PTCH1: variants seen among roughly 807,000 people sequenced by gnomAD.
The protein encoded by PTCH1 is patched 1, also known as protein patched homolog 1.
Under a neutral mutation model 144.6 loss-of-function variants are expected in PTCH1, and 14 were observed. That is an observed-to-expected ratio of 0.10 (90% confidence interval 0.06 to 0.15). The LOEUF (loss-of-function observed/expected upper bound fraction) is 0.15, where lower values mean the gene tolerates loss of function less well. PTCH1 is among the 10% of genes least tolerant of loss of function. PTCH1 has a pLI of 1.00. For missense variants in PTCH1, 1,623 were observed against 1,948.3 expected (o/e 0.83, Z 3.14); for synonymous variants, 833 against 793.6 (o/e 1.05, Z -0.83).
Position 95,449,661 on chromosome 9 carries a change from G to T in PTCH1, c.3549+180C>A. The T allele has an allele frequency of 1.4e-6, 1 of 718,018 alleles. No individual in the cohort carries two copies. Among genetic ancestry groups the T allele is most frequent in the Non-Finnish European group, 2.4e-6 (1 of 418,996 alleles). 44.5% of individuals were successfully genotyped at this position (718,018 alleles called of 1,614,324 possible). A position where few individuals can be genotyped will look rare whatever the true frequency, so the allele number is the denominator to read the frequency against. On this transcript the variant is annotated intron_variant, in intron 21 of 23. Coordinates refer to ENST00000331920, the MANE Select transcript of PTCH1 (RefSeq NM_000264.5). The surrounding 1 kb of genome is among the most constrained non-coding windows in gnomAD (Gnocchi z 5.3). ...TCAGTTGATTTAGAGGAACCAAACC[G>T]AACCCGCCCTCTAGCCCTCAAAGCC...
chr9:95,470,461 G>A (rs1840464140), intron 12 of PTCH1, among the ~76,000 whole-genome samples: 1 of 152,188 alleles, frequency 6.6e-6, no homozygotes. Context: ...AGCCTGTGGG[G>A]TGTGAGAGCA....
intron 1 of PTCH1, chr9:95,507,822 A>C (rs1843826010): frequency 2.6e-6 from 2 of 755,930 alleles, no homozygotes; most frequent in Non-Finnish European, 3.7e-6. Flanking sequence ...GGGGCAGGAC[A>C]GTGCCGCGGC....
intron 3 of PTCH1, chr9:95,483,414 A>C (rs1841721653): frequency 6.6e-6 from 1 of 150,614 alleles, no homozygotes; most frequent in Non-Finnish European, 1.5e-5. Context: ...GGGAAGGAAA[A>C]AAAAAAAAAA....
At position 95,458,107 on chromosome 9, in the gene PTCH1, C is replaced by G. The variant is rs370150142; in HGVS notation, c.3074G>C (p.Arg1025Pro). The G allele has an allele frequency of 6.2e-7, 1 of 1,614,202 alleles. No individual in the cohort carries two copies. The highest frequency in any genetic ancestry group is 8.5e-7 in the Non-Finnish European group (1 of 1,180,032). ...GCTGATGAACAGCAGCAGCCAGTGG[C>G]GGAGGCCGATGTACTGCTCCCAGAA... ...FLFWEQYIGL[R>P]HWLLLFISVV... is the part of the protein sequence containing the mutation. Residue 1025 changes from arginine (R) to proline (P), a missense_variant, in exon 18 of 24, where the codon CGC becomes CCC. Physicochemically the swap from Arg to Pro is moderately radical, Grantham distance 103. Around this residue, in one of 7 missense-constraint regions of PTCH1, gnomAD observed 504 missense variants for 679.3 expected, o/e 0.74. Transcript: ENST00000331920. The surrounding 1 kb of genome is among the most constrained non-coding windows in gnomAD (Gnocchi z 4.7).
Position 95,449,213 on chromosome 9 carries a change from G to A in PTCH1, c.3660C>T (p.Ser1220=), listed in dbSNP as rs1171930911. ...PPGHTHSGSD[S]SDSEYSSQTT... ...TCTGGGAACTATACTCCGAGTCGGA[G>A]GAATCAGACCCGCTGTGCGTGTGGC... Residue 1220 remains serine (S), a synonymous_variant, in exon 22 of 24, where the codon TCC becomes TCT. Transcript: ENST00000331920. This position sits in a 1 kb window ranked among gnomAD's most constrained non-coding sequence, Gnocchi z 5.3. The A allele has an allele frequency of 6.2e-7, 1 of 1,602,410 alleles. No homozygotes were observed. The highest frequency in any genetic ancestry group is 8.5e-7 in the Non-Finnish European group (1 of 1,174,476).
Position 95,479,958 on chromosome 9 carries a change from A to T in PTCH1, c.1067+11T>A, listed in dbSNP as rs753244564. ...CTACAGGGCATAGATTGTCCTCGGG[A>T]GCTGGCTTACCTGACGAGTTTTCCA... On this transcript the variant is annotated intron_variant, in intron 7 of 23. Coordinates refer to ENST00000331920, the MANE Select transcript of PTCH1 (RefSeq NM_000264.5). 1.9e-6 allele frequency: 3 copies of T among 1,614,156 alleles called. No homozygotes were observed. Among genetic ancestry groups the T allele is most frequent in the Non-Finnish European group, 2.5e-6 (3 of 1,180,026 alleles).
At chr9:95,455,288 G>A (rs1457379696) in intron 19 of PTCH1, among the ~76,000 whole-genome samples, 1 of 152,214 alleles carries the variant, frequency 6.6e-6, no homozygotes, top group African/African-American at 2.4e-5. Context: ...AAGGCACAAG[G>A]CTGCAGCCTA....
rs891494486 is a variant in PTCH1, at chr9:95,509,146, C to G, written c.-785G>C. On this transcript the variant is annotated 5_prime_UTR_variant, in exon 1 of 24. Coordinates refer to ENST00000331920, the MANE Select transcript of PTCH1 (RefSeq NM_000264.5). ...GCTCCCGGGACCTGGGGACTCCGCT[C>G]TGTGTGTGTGCAGCGGGCAGCGGCC... Among the ~76,000 whole-genome samples the G allele has an allele frequency of 3.3e-5, 5 of 151,834 alleles. No individual in the cohort carries two copies. The highest frequency in any genetic ancestry group is 5.9e-5 in the Non-Finnish European group (4 of 67,964).
intron 2 of PTCH1, among the ~76,000 whole-genome samples, chr9:95,505,660 T>A (rs1200697291): frequency 6.6e-6 from 1 of 151,422 alleles, no homozygotes; most frequent in African/African-American, 2.4e-5. Context: ...AATGCAGCCT[T>A]CCCCCAGAAT....
upstream of PTCH1, among the ~76,000 whole-genome samples, chr9:95,511,043 C>T (rs964323441): frequency 2.7e-5 from 4 of 150,064 alleles, no homozygotes; most frequent in African/African-American, 9.7e-5. Context: ...GGACCGGCCC[C>T]CTTACGCTGC....
At chr9:95,492,264 C>T (rs1273556485) in intron 2 of PTCH1, among the ~76,000 whole-genome samples, 8 of 152,188 alleles carry the variant, frequency 5.3e-5, no homozygotes, top group African/African-American at 1.9e-4. Flanking sequence ...TATTGTGCTG[C>T]TTGGGTACCC....
At position 95,469,101 on chromosome 9, in the gene PTCH1, G is replaced by T. The variant is rs764218645; in HGVS notation, c.1900C>A (p.His634Asn). 6.2e-7 allele frequency: 1 copy of T among 1,614,114 alleles called. No individual in the cohort carries two copies. The highest frequency in any genetic ancestry group is 8.5e-7 in the Non-Finnish European group (1 of 1,180,040). ...QVEPQAYTDT[H>N]DNTRYSPPPP... ...GGGGGGCTGTAGCGGGTATTGTCGTGTGTGTCGGTGTAGGCCTGAGGTTCA... is the reference window on the plus strand; with the variant it reads ...GGGGGGCTGTAGCGGGTATTGTCGTTTGTGTCGGTGTAGGCCTGAGGTTCA... Residue 634 changes from histidine to asparagine, a missense_variant, in exon 14 of 24, where the codon CAC (histidine) becomes AAC (asparagine). Coordinates refer to ENST00000331920, the MANE Select transcript of PTCH1 (RefSeq NM_000264.5).
At chr9:95,452,903 T>C (rs75259420) in intron 20 of PTCH1, 10,767 of 167,662 alleles carry the variant, frequency 0.064, 477 homozygotes, top group Non-Finnish European at 0.092. Flanking sequence ...GGGCCACCTA[T>C]TGGGTGATCC....
At position 95,470,543 on chromosome 9, in the gene PTCH1, T is replaced by C. The variant is rs567652645; in HGVS notation, c.1729-612A>G. ...GTGTGATTATAGTACGCAGAATAAA[T>C]AAGTACAGATTCAAAAGTCACTCCA... On this transcript the variant is annotated intron_variant, in intron 12 of 23. Transcript: ENST00000331920. Among the ~76,000 whole-genome samples, 3 of 152,044 alleles carry C rather than the reference T, an allele frequency of 2.0e-5. 1 individual carries two copies. The highest frequency in any genetic ancestry group is 4.2e-4 in the South Asian group (2 of 4,810).
chr9:95,447,332 T>C lies in PTCH1; in HGVS notation c.3924A>G (p.Arg1308=), dbSNP rs762725821. Residue 1308 remains arginine (R), a synonymous_variant, in exon 23 of 24, where the codon AGA becomes AGG. Coordinates refer to ENST00000331920, the MANE Select transcript of PTCH1 (RefSeq NM_000264.5). ...QGQQPRRDPP[R]EGLWPPPYRP... is the part of the protein sequence containing the mutation. ...TGTAGGGGGGTGGCCACAAGCCTTC[T>C]CTGGGGGGGTCCCTGCGGGGCTGCT... 4 of 1,611,532 alleles carry C rather than the reference T, an allele frequency of 2.5e-6. No individual in the cohort carries two copies. The highest frequency in any genetic ancestry group is 3.4e-6 in the Non-Finnish European group (4 of 1,178,466).
In PTCH1 at chr9:95,508,253, C is replaced by G. The variant is rs199976372; in HGVS notation, c.109G>C (p.Gly37Arg). ...PAGGGRRRRT[G>R]GLRRAAAPDR... The stretch of plus-strand genomic sequence containing the variant: ...GGCGCGGCAGCACGGCGCAGCCCCC[C>G]CGTCCGTCTGCGCCTCCCGCCTCCA... The change falls in exon 1 of 24, where the codon GGG (glycine) becomes CGG (arginine). Residue 37 changes from glycine (G) to arginine (R), a missense_variant. By Grantham distance (125) the Gly-to-Arg change is moderately radical. Coordinates refer to ENST00000331920, the MANE Select transcript of PTCH1 (RefSeq NM_000264.5). The G allele has an allele frequency of 7.4e-4, 1,190 of 1,600,892 alleles. 9 individuals are homozygous for G. The East Asian group carries it at 0.012, about 17-fold the overall frequency.
chr9:95,474,583 C>T (rs16909904), intron 12 of PTCH1, among the ~76,000 whole-genome samples: 16,842 of 152,016 alleles, frequency 0.11, 1,099 homozygotes, highest in African/African-American at 0.17. Flanking sequence ...TTGGGGCTGG[C>T]GGTTACGGTA....
intron 2 of PTCH1, among the ~76,000 whole-genome samples, chr9:95,487,451 G>A (rs886166328): frequency 3.3e-5 from 5 of 152,224 alleles, no homozygotes; most frequent in African/African-American, 4.8e-5. Context: ...CTACCTACTC[G>A]GCTGGCCTTT....
intron 16 of PTCH1, 39 bp from the exon 17 acceptor site, chr9:95,459,822 G>C (rs370875922): frequency 6.2e-7 from 1 of 1,607,426 alleles, no homozygotes; most frequent in African/African-American, 1.3e-5. Context: ...TGAGAATGGG[G>C]TTGGGGGTAA....
Sources: gnomAD v4.1 joint callset for allele counts (sites outside exome capture counted in the v4.1 genomes callset) on GRCh38, gnomAD v4.1.1 for gene constraint, gnomAD v4.1.1 regional missense constraint, Gnocchi (gnomAD v3.1) non-coding constraint, MANE v1.5 for transcripts, NCBI Gene and HGNC (gene_info 2026-07-23, HGNC 2026-07-21) for gene names.